Variants in FSTL5 observed in about 807,000 individuals in gnomAD.
FSTL5 encodes follistatin like 5, also known as follistatin-related protein 5.
FSTL5 carries 62 observed loss-of-function variants against 89.1 expected under a neutral mutation model. That is an observed-to-expected ratio of 0.70 (90% CI 0.57 to 0.86). The LOEUF (loss-of-function observed/expected upper bound fraction) is 0.86. Ranked by LOEUF, FSTL5 falls within the 40% of genes least tolerant of loss-of-function variation. FSTL5 has a pLI of 0.00. For synonymous variants in FSTL5, 383 were observed against 346.2 expected (o/e 1.11, Z -1.18); for missense variants, 1,057 against 1,001.6 (o/e 1.06, Z -0.75).
intron 6 of FSTL5, among the ~76,000 whole-genome samples, chr4:161,758,053 T>C (rs551723146): frequency 1.3e-5 from 2 of 152,256 alleles, no homozygotes; most frequent in East Asian, 1.9e-4. Flanking sequence ...CTTAACCATA[T>C]CCAAAGAGCG....
chr4:161,491,095 A>C (rs941275431), intron 12 of FSTL5, among the ~76,000 whole-genome samples: 5 of 151,890 alleles, frequency 3.3e-5, no homozygotes, highest in African/African-American at 1.2e-4. Context: ...ATTACATTTC[A>C]TCTGGGCTCT....
At position 161,459,317 on chromosome 4, in the gene FSTL5, T is replaced by C. The variant is rs1028194048; in HGVS notation, c.1611A>G (p.Ala537=). 6 of 1,599,674 alleles carry C rather than the reference T, an allele frequency of 3.8e-6. No homozygotes were observed. Among genetic ancestry groups the C allele is most frequent in the Admixed American group, 3.3e-5 (2 of 59,720 alleles). ...TAACTGGGACAGGGTCTGTGCTCAC[T>C]GCCTACAATAAAGAAGAATTGAAAA... is the stretch of plus-strand genomic sequence containing the variant. The part of the protein sequence containing the change: ...VDVQSQKVVQ[A]VSTDPVPVKL... Residue 537 remains alanine (A), a splice_region_variant and synonymous_variant, in exon 14 of 16, where the codon GCA becomes GCG. Coordinates refer to ENST00000306100, the MANE Select transcript of FSTL5 (RefSeq NM_020116.5).
intron 7 of FSTL5, among the ~76,000 whole-genome samples, chr4:161,633,207 A>G (rs1735558241): frequency 6.6e-6 from 1 of 151,176 alleles, no homozygotes; most frequent in African/African-American, 2.4e-5. Flanking sequence ...ACTATTCCCA[A>G]TACTTAATTT....
At chr4:162,007,539 T>C (rs546803311) in intron 3 of FSTL5, among the ~76,000 whole-genome samples, 1 of 151,974 alleles carries the variant, frequency 6.6e-6, no homozygotes, top group Non-Finnish European at 1.5e-5. Flanking sequence ...TTTATGTCAT[T>C]TGGTAAATTT....
rs190503351 is a variant in FSTL5 at position 162,103,624 on chromosome 4, G to C, written c.126+7647C>G. Reference sequence around the variant, plus strand: ...AAAATGTCTCTCTCTGAAGCAAAAGGCTAGTGTATTCATAGCCTTGTAAGA... The same window carrying C: ...AAAATGTCTCTCTCTGAAGCAAAAGCCTAGTGTATTCATAGCCTTGTAAGA... On this transcript the variant is annotated intron_variant, in intron 2 of 15. Coordinates refer to ENST00000306100, the MANE Select transcript of FSTL5 (RefSeq NM_020116.5). Among the ~76,000 whole-genome samples the C allele has an allele frequency of 2.9e-3, 443 of 152,290 alleles. 4 individuals are homozygous for C. Among genetic ancestry groups the C allele is most frequent in the Middle Eastern group, 0.02 (6 of 294 alleles).
chr4:161,549,795 C>A (rs1732136484), intron 8 of FSTL5, among the ~76,000 whole-genome samples: 2 of 152,030 alleles, frequency 1.3e-5, no homozygotes, highest in South Asian at 4.1e-4. Flanking sequence ...CAATAAAAAA[C>A]TTTAAGGTCC....
chr4:161,621,289 C>CAA (rs1480484332), intron 7 of FSTL5, among the ~76,000 whole-genome samples: 1 of 151,628 alleles, frequency 6.6e-6, no homozygotes, highest in Non-Finnish European at 1.5e-5. Flanking sequence ...CACACACACA[C>CAA]ACACACACAC....
chr4:161,447,855 C>A (rs1377772654), intron 15 of FSTL5, among the ~76,000 whole-genome samples: 1 of 152,072 alleles, frequency 6.6e-6, no homozygotes, highest in Non-Finnish European at 1.5e-5. Flanking sequence ...CATATATACA[C>A]ACAGGCATAT....
chr4:161,408,387 C>A (rs1731465039), intron 15 of FSTL5, among the ~76,000 whole-genome samples: 1 of 152,106 alleles, frequency 6.6e-6, no homozygotes, highest in Non-Finnish European at 1.5e-5. Context: ...CAGTACAGAC[C>A]TTTAGTCCTC....
At chr4:161,779,825 A>ATATATATG (rs1741592797) in intron 4 of FSTL5, among the ~76,000 whole-genome samples, 2 of 110,506 alleles carry the variant, frequency 1.8e-5, no homozygotes, top group South Asian at 6.1e-4. Context: ...ATATATATAT[A>ATATATATG]TATATATATA....
At chr4:161,494,207 A>C (rs558616212) in intron 12 of FSTL5, among the ~76,000 whole-genome samples, 1 of 152,142 alleles carries the variant, frequency 6.6e-6, no homozygotes, top group African/African-American at 2.4e-5. Flanking sequence ...TCACTGTATA[A>C]CTCTCTGTAA....
intron 5 of FSTL5, among the ~76,000 whole-genome samples, chr4:161,763,469 A>G (rs1313903015): frequency 6.6e-6 from 1 of 152,116 alleles, no homozygotes; most frequent in Non-Finnish European, 1.5e-5. Flanking sequence ...ACTTTCATGG[A>G]AGATATACAA....
intron 8 of FSTL5, among the ~76,000 whole-genome samples, chr4:161,548,391 G>A (rs557981075): frequency 2.5e-4 from 38 of 152,006 alleles, no homozygotes; most frequent in African/African-American, 9.1e-4. Flanking sequence ...TGAAAGAGGT[G>A]TGGTAGTTAC....
At chr4:161,839,902 A>C (rs1291741155) in intron 4 of FSTL5, among the ~76,000 whole-genome samples, 1 of 152,212 alleles carries the variant, frequency 6.6e-6, no homozygotes, top group African/African-American at 2.4e-5. Context: ...AGGAAAATGT[A>C]AGTGTGAATG....
chr4:161,754,707 T>G (rs1740513050), intron 6 of FSTL5, among the ~76,000 whole-genome samples: 1 of 152,148 alleles, frequency 6.6e-6, no homozygotes, highest in Admixed American at 6.5e-5. Flanking sequence ...TCATTTCAAT[T>G]GAGTTTCATA....
At chr4:161,783,757 T>TTTCTTTCC (rs1741781753) in intron 4 of FSTL5, among the ~76,000 whole-genome samples, 3 of 108,610 alleles carry the variant, frequency 2.8e-5, no homozygotes, top group African/African-American at 7.1e-5. Flanking sequence ...TCTTTCTTTC[T>TTTCTTTCC]TTCCTTCTTT....
At chr4:162,105,806 C>T (rs1296971353) in intron 2 of FSTL5, among the ~76,000 whole-genome samples, 1 of 152,106 alleles carries the variant, frequency 6.6e-6, no homozygotes, top group Non-Finnish European at 1.5e-5. Flanking sequence ...CAAACTGCTT[C>T]CTGACCTCTG....
intron 8 of FSTL5, among the ~76,000 whole-genome samples, chr4:161,561,394 GA>G (rs1732596395): frequency 6.6e-6 from 1 of 151,996 alleles, no homozygotes; most frequent in Non-Finnish European, 1.5e-5. Flanking sequence ...GAAAGTGAGA[GA>G]ATAGGTAAAT....
chr4:161,469,485 C>A (rs1208844378), intron 13 of FSTL5, among the ~76,000 whole-genome samples: 3 of 152,108 alleles, frequency 2.0e-5, no homozygotes, highest in African/African-American at 2.4e-5. Context: ...TTGATAGTAG[C>A]CATCCTAATG....
Sources: allele counts gnomAD v4.1 joint callset (sites outside exome capture counted in the v4.1 genomes callset), GRCh38; gene constraint gnomAD v4.1.1; transcripts MANE v1.5; gene names NCBI Gene and HGNC (gene_info 2026-07-23, HGNC 2026-07-21).